Variants in PRORP observed in about 807,000 individuals in gnomAD.
PRORP encodes the protein protein only RNase P catalytic subunit.
In PRORP, 51 loss-of-function variants were observed where a neutral mutation model predicts 59.4. That is an observed-to-expected ratio of 0.86 (90% CI 0.69 to 1.08). PRORP has a LOEUF of 1.08. Ranked by LOEUF, PRORP falls within the 50% of genes least tolerant of loss-of-function variation. The pLI, the probability that PRORP is intolerant of heterozygous loss-of-function variation, is 0.00. For missense variants in PRORP, 646 were observed against 690.3 expected (o/e 0.94, Z 0.72); for synonymous variants, 231 against 245.6 (o/e 0.94, Z 0.55).
intron 4 of PRORP, among the ~76,000 whole-genome samples, chr14:35,155,862 C>T (rs201196080): frequency 6.6e-6 from 1 of 151,826 alleles, no homozygotes; most frequent in Non-Finnish European, 1.5e-5. Flanking sequence ...GTCATTTGCA[C>T]GTTTCTTTTT....
At chr14:35,140,494 A>G (rs2047459468) in intron 4 of PRORP, among the ~76,000 whole-genome samples, 1 of 145,688 alleles carries the variant, frequency 6.9e-6, no homozygotes, top group African/African-American at 2.4e-5. Flanking sequence ...TATCTTTGGT[A>G]TAATATTTAT....
intron 5 of PRORP, among the ~76,000 whole-genome samples, chr14:35,206,122 G>C (rs902717958): frequency 6.6e-6 from 1 of 152,202 alleles, no homozygotes; most frequent in African/African-American, 2.4e-5. Context: ...TTTCAGACTT[G>C]CAGAATGTTT....
rs35583820 is a variant in PRORP, at chr14:35,209,173, CAA to C, written c.1275+28407_1275+28408del. On this transcript the variant is annotated intron_variant, in intron 5 of 7. Coordinates refer to ENST00000534898, the MANE Select transcript of PRORP (RefSeq NM_014672.4). Reference sequence around the variant, plus strand: ...TCGGCGACAGAGTGAGACTCTGCCTCAAAAAAAAAAAAGTTATTAATGAAATA... The same window carrying C: ...TCGGCGACAGAGTGAGACTCTGCCTCAAAAAAAAAAGTTATTAATGAAATA... Among the ~76,000 whole-genome samples the C allele has an allele frequency of 1.7e-4, 25 of 149,186 alleles. No homozygotes were observed. In the East Asian group the frequency reaches 1.8e-3, roughly 11 times the overall value.
intron 5 of PRORP, among the ~76,000 whole-genome samples, chr14:35,196,049 C>A (rs565690893): frequency 1.3e-5 from 2 of 152,244 alleles, no homozygotes; most frequent in South Asian, 4.1e-4. Context: ...TGAAATATCC[C>A]CCAATAAATA....
chr14:35,166,815 C>T (rs1281503876), intron 4 of PRORP, among the ~76,000 whole-genome samples: 1 of 152,010 alleles, frequency 6.6e-6, no homozygotes, highest in African/African-American at 2.4e-5. Context: ...ACTTTTTCAC[C>T]CTATTGAATT....
intron 4 of PRORP, among the ~76,000 whole-genome samples, chr14:35,168,979 T>G (rs1302901416): frequency 1.3e-5 from 2 of 152,122 alleles, no homozygotes; most frequent in Non-Finnish European, 2.9e-5. Flanking sequence ...CTTTTCCTAT[T>G]TCTTTGATTT....
chr14:35,219,772 G>A (rs1010922947), intron 5 of PRORP, among the ~76,000 whole-genome samples: 2 of 152,154 alleles, frequency 1.3e-5, no homozygotes, highest in Admixed American at 6.5e-5. Flanking sequence ...CTATTGTCTA[G>A]AGAGTAGAGG....
intron 4 of PRORP, among the ~76,000 whole-genome samples, chr14:35,151,243 G>A (rs1033044918): frequency 2.0e-5 from 3 of 151,944 alleles, no homozygotes; most frequent in Non-Finnish European, 4.4e-5. Flanking sequence ...TTGCTTAAAT[G>A]TATCGATTTT....
intron 4 of PRORP, among the ~76,000 whole-genome samples, chr14:35,167,920 T>A (rs2048224805): frequency 6.6e-6 from 1 of 152,240 alleles, no homozygotes; most frequent in Admixed American, 6.5e-5. Context: ...TATATCCATG[T>A]GCTGCAGACA....
intron 5 of PRORP, among the ~76,000 whole-genome samples, chr14:35,258,951 C>T (rs1268205322): frequency 2.0e-5 from 3 of 152,190 alleles, no homozygotes; most frequent in African/African-American, 7.2e-5. Flanking sequence ...CCTTTACTGT[C>T]TATAGCCTTC....
chr14:35,171,402 T>TA (rs1400954914), intron 4 of PRORP, among the ~76,000 whole-genome samples: 1 of 152,214 alleles, frequency 6.6e-6, no homozygotes, highest in Non-Finnish European at 1.5e-5. Context: ...TTTTACTAGA[T>TA]ATAGAATTGT....
At position 35,142,039 on chromosome 14, in the gene PRORP, C is replaced by T. The variant is rs1480729114; in HGVS notation, c.1167+14428C>T. Reference sequence around the variant, plus strand: ...GATTACAGGTGCCTGCAACCACGCCCAGCTAATTTTTGTATTTTTAGTGGA... The same window carrying T: ...GATTACAGGTGCCTGCAACCACGCCTAGCTAATTTTTGTATTTTTAGTGGA... On this transcript the variant is annotated intron_variant, in intron 4 of 7. Coordinates refer to ENST00000534898, the MANE Select transcript of PRORP (RefSeq NM_014672.4). Among the ~76,000 whole-genome samples, 7 of 145,152 alleles carry T rather than the reference C, an allele frequency of 4.8e-5. 1 individual carries two copies. Among genetic ancestry groups the T allele is most frequent in the Non-Finnish European group, 7.7e-5 (5 of 65,314 alleles).
chr14:35,127,714 C>T (rs1365365004), intron 4 of PRORP, 103 bp downstream of exon 4: 1 of 1,227,506 alleles, frequency 8.1e-7, no homozygotes, highest in Non-Finnish European at 1.2e-6. Flanking sequence ...CTTTGTAGGT[C>T]ATCGGTCCCT....
At chr14:35,174,975 G>A (rs2048411314) in intron 4 of PRORP, among the ~76,000 whole-genome samples, 1 of 141,592 alleles carries the variant, frequency 7.1e-6, no homozygotes, top group African/African-American at 2.7e-5. Context: ...TCGCACTTAT[G>A]AATAAGAACA....
At chr14:35,239,399 T>C (rs2050303878) in intron 5 of PRORP, among the ~76,000 whole-genome samples, 1 of 151,760 alleles carries the variant, frequency 6.6e-6, no homozygotes, top group African/African-American at 2.4e-5. Flanking sequence ...CTATGCTTTC[T>C]CCAGAGATGT....
chr14:35,183,368 T>G (rs948096428), intron 5 of PRORP, among the ~76,000 whole-genome samples: 1 of 152,152 alleles, frequency 6.6e-6, no homozygotes, highest in African/African-American at 2.4e-5. Context: ...GAGTATATAT[T>G]ACTTAAAAAT....
chr14:35,166,009 A>G (rs544195798), intron 4 of PRORP, among the ~76,000 whole-genome samples: 1 of 152,084 alleles, frequency 6.6e-6, no homozygotes, highest in Non-Finnish European at 1.5e-5. Context: ...ATCTCGGGGA[A>G]GTTATATTTT....
chr14:35,128,990 A>G (rs1429517706), intron 4 of PRORP, among the ~76,000 whole-genome samples: 14 of 151,484 alleles, frequency 9.2e-5, no homozygotes, highest in Admixed American at 9.2e-4. Context: ...TGAGGTCAGG[A>G]GTTCGAGACC....
intron 5 of PRORP, among the ~76,000 whole-genome samples, chr14:35,213,144 G>A (rs369480871): frequency 2.6e-5 from 4 of 152,162 alleles, no homozygotes; most frequent in East Asian, 3.9e-4. Context: ...TCTGGATTAC[G>A]TTTTGGTGTA....
Sources: gnomAD v4.1 joint callset for allele counts (sites outside exome capture counted in the v4.1 genomes callset) on GRCh38, gnomAD v4.1.1 for gene constraint, MANE v1.5 for transcripts, NCBI Gene and HGNC (gene_info 2026-07-23, HGNC 2026-07-21) for gene names.